Variants in MDGA2 observed in about 807,000 individuals in gnomAD.
MDGA2 encodes the protein MAM domain-containing glycosylphosphatidylinositol anchor protein 2.
MDGA2 carries 40 observed loss-of-function variants against 117.8 expected under a neutral mutation model. That is an observed-to-expected ratio of 0.34 (90% CI 0.26 to 0.44). MDGA2 has a LOEUF of 0.44. Ranked by LOEUF, MDGA2 falls within the 20% of genes least tolerant of loss-of-function variation. The probability of loss-of-function intolerance (pLI) is 1.00; values close to 1 mark genes in which losing one functional copy is unlikely to be tolerated. For missense variants in MDGA2, 1,123 were observed against 1,250.6 expected (o/e 0.90, Z 1.54); for synonymous variants, 452 against 439.0 (o/e 1.03, Z -0.37).
intron 3 of MDGA2, among the ~76,000 whole-genome samples, chr14:47,175,004 G>C (rs1372641273): frequency 1.3e-5 from 2 of 152,100 alleles, no homozygotes; most frequent in African/African-American, 2.4e-5. Context: ...ACTACCATCA[G>C]AGAATACTAC....
rs1184705257 is a variant in MDGA2, at chr14:46,969,930, TTCCA to T, written c.1820-12291_1820-12288del. On this transcript the variant is annotated intron_variant, in intron 8 of 16. Coordinates refer to ENST00000399232, the MANE Select transcript of MDGA2 (RefSeq NM_001113498.3). ...CACATGTACCTTAGAACTTAAAGTA[TTCCA>T]TATATATATATATATATATATATAT... is the stretch of plus-strand genomic sequence containing the variant. 3.0e-3 allele frequency among the ~76,000 whole-genome samples: 412 copies of T among 135,808 alleles called. 8 individuals carry two copies. In the East Asian group the frequency reaches 0.036, roughly 12 times the overall value. The allele number at this position is 135,808 out of a possible 152,430, so 89.1% of individuals were successfully genotyped here. A position where few individuals can be genotyped will look rare whatever the true frequency, so the allele number is the denominator to read the frequency against.
At chr14:47,374,259 G>A (rs1024703627) in intron 1 of MDGA2, among the ~76,000 whole-genome samples, 1 of 152,024 alleles carries the variant, frequency 6.6e-6, no homozygotes, top group Non-Finnish European at 1.5e-5. Context: ...CTAAATAAGA[G>A]TGAAAGAATA....
At chr14:46,895,030 G>A (rs185874231) in intron 10 of MDGA2, among the ~76,000 whole-genome samples, 58 of 152,262 alleles carry the variant, frequency 3.8e-4, no homozygotes, top group Admixed American at 1.1e-3. Flanking sequence ...GTTTTCTAAG[G>A]ACTACTACAA....
At chr14:47,474,734 G>A (rs570995011) in intron 1 of MDGA2, among the ~76,000 whole-genome samples, 70 of 152,254 alleles carry the variant, frequency 4.6e-4, no homozygotes, top group African/African-American at 1.7e-3. Context: ...AAGCAATGGG[G>A]AAAGGATTCC....
chr14:46,845,680 T>C, intron 16 of MDGA2, 86 bp downstream of exon 16: 1 of 827,376 alleles, frequency 1.2e-6, no homozygotes, highest in Non-Finnish European at 1.8e-6. Flanking sequence ...ATAACTCCGT[T>C]TTTAAAATTA....
rs184128814 is a variant in MDGA2 at position 47,080,847 on chromosome 14, T to C, written c.1195+16007A>G. On this transcript the variant is annotated intron_variant, in intron 6 of 16. Coordinates refer to ENST00000399232, the MANE Select transcript of MDGA2 (RefSeq NM_001113498.3). ...CAATTTTCAATCTCCATCTTGCTGC[T>C]GATTACTTAACTCAAGCTTTTGCAA... Among the ~76,000 whole-genome samples, 38 of 152,338 alleles carry C rather than the reference T, an allele frequency of 2.5e-4. No homozygotes were observed. The East Asian group carries it at 4.0e-3, about 16-fold the overall frequency.
intron 8 of MDGA2, among the ~76,000 whole-genome samples, chr14:47,009,823 C>T (rs1044700436): frequency 2.0e-5 from 3 of 152,034 alleles, no homozygotes; most frequent in Non-Finnish European, 2.9e-5. Flanking sequence ...TTGATCCCTA[C>T]ACACCCCTTG....
At chr14:47,077,353 C>A (rs934359678) in intron 6 of MDGA2, among the ~76,000 whole-genome samples, 1 of 152,076 alleles carries the variant, frequency 6.6e-6, no homozygotes, top group Non-Finnish European at 1.5e-5. Context: ...TAATTTGCTA[C>A]GCTGCCTCTT....
At chr14:46,989,850 A>G (rs1887016283) in intron 8 of MDGA2, among the ~76,000 whole-genome samples, 2 of 152,088 alleles carry the variant, frequency 1.3e-5, no homozygotes, top group Non-Finnish European at 2.9e-5. Context: ...TGAAAGAACA[A>G]TAGAGGAGGC....
At chr14:46,969,166 T>G (rs538428481) in intron 8 of MDGA2, among the ~76,000 whole-genome samples, 1 of 152,296 alleles carries the variant, frequency 6.6e-6, no homozygotes, top group South Asian at 2.1e-4. Flanking sequence ...ACATTTGGGT[T>G]GGTTCCAAGT....
At chr14:47,469,057 A>G (rs1368804141) in intron 1 of MDGA2, among the ~76,000 whole-genome samples, 1 of 152,166 alleles carries the variant, frequency 6.6e-6, no homozygotes, top group Non-Finnish European at 1.5e-5. Context: ...ACGATGACCT[A>G]CATAATAGCA....
At chr14:46,845,257 CT>C (rs1880787306) in intron 16 of MDGA2, among the ~76,000 whole-genome samples, 1 of 152,192 alleles carries the variant, frequency 6.6e-6, no homozygotes, top group Non-Finnish European at 1.5e-5. Context: ...AGAAGGTACT[CT>C]GCTTCCCCTT....
intron 1 of MDGA2, among the ~76,000 whole-genome samples, chr14:47,424,982 G>T (rs1892655876): frequency 6.6e-6 from 1 of 152,172 alleles, no homozygotes; most frequent in Admixed American, 6.5e-5. Context: ...GGGGGATGAT[G>T]AAAAGGAAGG....
Position 47,616,842 on chromosome 14 carries a change from C to A in MDGA2, c.280+57675G>T, listed in dbSNP as rs565486712. ...GAATCAGTTAAAACTGAGCTATATA[C>A]TAGGTAGTCACTAATCATATGTGAC... On this transcript the variant is annotated intron_variant, in intron 1 of 16. Transcript: ENST00000399232. Among the ~76,000 whole-genome samples the A allele has an allele frequency of 2.6e-5, 4 of 152,206 alleles. No homozygotes were observed. In the South Asian group the frequency reaches 8.3e-4, roughly 32 times the overall value.
chr14:47,009,200 GT>G (rs997074011), intron 8 of MDGA2, among the ~76,000 whole-genome samples: 2 of 151,878 alleles, frequency 1.3e-5, no homozygotes, highest in Non-Finnish European at 2.9e-5. Context: ...ACTACAATAA[GT>G]TTTTTGCTTA....
chr14:46,878,290 C>T (rs1288700620), intron 11 of MDGA2, among the ~76,000 whole-genome samples: 1 of 151,896 alleles, frequency 6.6e-6, no homozygotes, highest in Non-Finnish European at 1.5e-5. Flanking sequence ...CTGTATATAT[C>T]AATTAACCAC....
intron 1 of MDGA2, among the ~76,000 whole-genome samples, chr14:47,471,996 G>A (rs1893737865): frequency 6.6e-6 from 1 of 152,012 alleles, no homozygotes; most frequent in African/African-American, 2.4e-5. Context: ...TAATACAGTG[G>A]GGAACAGGAA....
rs566321524 is a variant in MDGA2 at position 46,854,703 on chromosome 14, C to T, written c.2883+321G>A. On this transcript the variant is annotated intron_variant, in intron 15 of 16. Transcript: ENST00000399232. ...TTACCAAGTTCCATTATTATAGAAA[C>T]TTATAATAATTTTTTTTTCAGGGAG... 3.9e-4 allele frequency among the ~76,000 whole-genome samples: 59 copies of T among 151,518 alleles called. No individual in the cohort carries two copies. The East Asian group carries it at 9.7e-3, about 25-fold the overall frequency.
chr14:47,122,855 T>TA, intron 5 of MDGA2, among the ~76,000 whole-genome samples: 1 of 152,170 alleles, frequency 6.6e-6, no homozygotes, highest in South Asian at 2.1e-4. Flanking sequence ...CTTAGGAGTA[T>TA]AAAAAATCCT....
Sources: allele counts gnomAD v4.1 joint callset (sites outside exome capture counted in the v4.1 genomes callset), GRCh38; gene constraint gnomAD v4.1.1; transcripts MANE v1.5; gene names NCBI Gene and HGNC (gene_info 2026-07-23, HGNC 2026-07-21).